Variants in RERE observed in about 807,000 individuals in gnomAD.
RERE encodes arginine-glutamic acid dipeptide repeats.
A neutral mutation model predicts 146.1 loss-of-function variants in RERE; 40 were observed. That is an observed-to-expected ratio of 0.27 (90% CI 0.21 to 0.36). The LOEUF (loss-of-function observed/expected upper bound fraction) is 0.36. Ranked by LOEUF, RERE falls within the 10% of genes least tolerant of loss-of-function variation. RERE has a pLI of 1.00. For missense variants in RERE, 1,933 were observed against 2,138.7 expected (o/e 0.90, Z 1.90); for synonymous variants, 1,003 against 866.0 (o/e 1.16, Z -2.78).
In RERE at chr1:8,359,862, C is replaced by T; in HGVS notation, c.3520G>A (p.Ala1174Thr). 1 of 1,612,258 alleles carries T rather than the reference C, an allele frequency of 6.2e-7. No individual in the cohort carries two copies. The highest frequency in any genetic ancestry group is 2.2e-5 in the East Asian group (1 of 44,878). Residue 1174 changes from alanine (A) to threonine (T), a missense_variant, in exon 19 of 23, where the codon GCT (alanine) becomes ACT (threonine). Transcript: ENST00000400908. ...CGCTCCTCTCGGGCTTTCTGCTCAG[C>T]CTCGCGCTTGGCCTTCTCAATGGCC... ...EEAIEKAKREAEQKAREERER... is the reference protein window; with the variant it reads ...EEAIEKAKRETEQKAREERER...
At chr1:8,760,194 T>A (rs1304130767) in intron 1 of RERE, among the ~76,000 whole-genome samples, 2 of 152,068 alleles carry the variant, frequency 1.3e-5, no homozygotes, top group Admixed American at 1.3e-4. Context: ...CCCAGCTAAT[T>A]TTTTGTATTT....
At chr1:8,487,829 T>C (rs1265135308) in intron 10 of RERE, among the ~76,000 whole-genome samples, 1 of 152,208 alleles carries the variant, frequency 6.6e-6, no homozygotes, top group East Asian at 1.9e-4. Flanking sequence ...TTCTATGCTA[T>C]CGAAGACCAT....
intron 3 of RERE, among the ~76,000 whole-genome samples, chr1:8,617,338 T>A (rs1646865191): frequency 3.9e-5 from 1 of 25,556 alleles, no homozygotes; most frequent in African/African-American, 1.4e-4. Context: ...AGTGAAACTC[T>A]GTCTCAAAAA....
intron 12 of RERE, among the ~76,000 whole-genome samples, chr1:8,401,038 C>CTATAT (rs1344568347): frequency 1.7e-5 from 1 of 57,482 alleles, no homozygotes; most frequent in African/African-American, 5.6e-5. Context: ...AAAAAAAAAC[C>CTATAT]ATATATATAT....
At chr1:8,717,058 A>G (rs1287522971) in intron 1 of RERE, among the ~76,000 whole-genome samples, 3 of 152,254 alleles carry the variant, frequency 2.0e-5, no homozygotes, top group Admixed American at 1.3e-4. Flanking sequence ...TAGTATGTAT[A>G]AATGAGAAAT....
intron 6 of RERE, among the ~76,000 whole-genome samples, chr1:8,549,205 C>T (rs892847382): frequency 2.0e-5 from 3 of 151,966 alleles, no homozygotes; most frequent in African/African-American, 7.3e-5. Flanking sequence ...AAGGGAACCC[C>T]GGTTCCTCAC....
chr1:8,382,465 A>C (rs750487147), intron 12 of RERE, among the ~76,000 whole-genome samples: 10 of 152,284 alleles, frequency 6.6e-5, no homozygotes, highest in East Asian at 5.8e-4. Flanking sequence ...TGCATGAGAG[A>C]GCGCGCATGC....
chr1:8,473,718 T>C (rs1053834107), intron 10 of RERE, among the ~76,000 whole-genome samples: 9 of 152,200 alleles, frequency 5.9e-5, no homozygotes, highest in African/African-American at 1.2e-4. Context: ...CCCGAACCAG[T>C]TGAGTTGAGG....
chr1:8,569,257 C>CAA (rs77151908), intron 4 of RERE, among the ~76,000 whole-genome samples: 9,167 of 101,380 alleles, frequency 0.09, 293 homozygotes, highest in Middle Eastern at 0.13. Context: ...TCTTTAAAAG[C>CAA]AAAAAAAAAA....
intron 11 of RERE, among the ~76,000 whole-genome samples, chr1:8,433,849 C>T (rs1004846319): frequency 4.6e-5 from 7 of 152,274 alleles, no homozygotes; most frequent in African/African-American, 1.7e-4. Flanking sequence ...CGTGAGCCAC[C>T]GCGCCCGGCC....
chr1:8,760,944 C>A (rs1396291267), intron 1 of RERE, among the ~76,000 whole-genome samples: 1 of 152,038 alleles, frequency 6.6e-6, no homozygotes, highest in East Asian at 1.9e-4. Context: ...GTATAAACAA[C>A]CCTATCATTT....
intron 2 of RERE, among the ~76,000 whole-genome samples, chr1:8,650,422 A>G (rs746014134): frequency 6.6e-6 from 1 of 152,216 alleles, no homozygotes; most frequent in Non-Finnish European, 1.5e-5. Context: ...TAAATATTTG[A>G]AAAATCTTAA....
rs1454706601 is a variant in RERE, at chr1:8,605,767, AAAAAC to A, written c.522+8789_522+8793del. On this transcript the variant is annotated intron_variant, in intron 4 of 22. Transcript: ENST00000400908. The stretch of plus-strand genomic sequence containing the variant: ...CTCCAAAAAAAAAAAAAAAAAAAAA[AAAAAC>A]CCCTAAAAAAAGTGATAATAGATTA... Among the ~76,000 whole-genome samples the A allele has an allele frequency of 8.0e-4, 105 of 131,154 alleles. 1 individual carries two copies. The highest frequency in any genetic ancestry group is 3.0e-3 in the African/African-American group (102 of 34,192). The allele number at this position is 131,154 out of a possible 152,430, so 86.0% of individuals were successfully genotyped here. A position where few individuals can be genotyped will look rare whatever the true frequency, so the allele number is the denominator to read the frequency against.
intron 11 of RERE, among the ~76,000 whole-genome samples, chr1:8,447,758 T>C (rs1297188765): frequency 6.6e-6 from 1 of 152,234 alleles, no homozygotes; most frequent in South Asian, 2.1e-4. Flanking sequence ...GTGTATGCAA[T>C]GGACACAGAA....
intron 1 of RERE, among the ~76,000 whole-genome samples, chr1:8,763,367 T>G (rs1640789444): frequency 6.6e-6 from 1 of 152,236 alleles, no homozygotes; most frequent in African/African-American, 2.4e-5. Context: ...GCGCAGTGGC[T>G]CACACCTGTA....
chr1:8,664,728 A>G (rs1638532142), intron 1 of RERE, among the ~76,000 whole-genome samples: 1 of 152,014 alleles, frequency 6.6e-6, no homozygotes, highest in Non-Finnish European at 1.5e-5. Context: ...TTACCTTATA[A>G]ATTTCTCTCA....
At chr1:8,458,651 C>A (rs1644484848) in intron 11 of RERE, among the ~76,000 whole-genome samples, 1 of 151,078 alleles carries the variant, frequency 6.6e-6, no homozygotes, top group African/African-American at 2.4e-5. Flanking sequence ...TTTTTTTAAT[C>A]TAAAAGTAGG....
chr1:8,617,369 T>TA (rs1646866611), intron 3 of RERE, among the ~76,000 whole-genome samples: 1 of 93,656 alleles, frequency 1.1e-5, no homozygotes, highest in Admixed American at 1.0e-4. Flanking sequence ...AATTCCATCC[T>TA]ACCTCTTAAC....
At chr1:8,446,915 G>A (rs1473867140) in intron 11 of RERE, among the ~76,000 whole-genome samples, 2 of 151,758 alleles carry the variant, frequency 1.3e-5, no homozygotes, top group Middle Eastern at 3.4e-3. Context: ...TCCTGACCTC[G>A]TGATCCGCCC....
Sources: gnomAD v4.1 joint callset for allele counts (sites outside exome capture counted in the v4.1 genomes callset) on GRCh38, gnomAD v4.1.1 for gene constraint, MANE v1.5 for transcripts, NCBI Gene and HGNC (gene_info 2026-07-23, HGNC 2026-07-21) for gene names.